CNTNAP4: variants seen among roughly 807,000 people sequenced by gnomAD.
The protein encoded by CNTNAP4 is contactin-associated protein-like 4.
CNTNAP4 carries 98 observed loss-of-function variants against 148.4 expected under a neutral mutation model. The ratio of observed to expected loss-of-function variants is 0.66; its 90% CI spans 0.56 to 0.78. CNTNAP4 has a LOEUF of 0.78. CNTNAP4 is among the 30% of genes least tolerant of loss of function. CNTNAP4 has a pLI of 0.00. For synonymous variants in CNTNAP4, 730 were observed against 565.1 expected (o/e 1.29, Z -4.14); for missense variants, 1,935 against 1,565.6 (o/e 1.24, Z -3.98).
intron 15 of CNTNAP4, among the ~76,000 whole-genome samples, chr16:76,519,821 C>T (rs2083390019): frequency 6.6e-6 from 1 of 152,190 alleles, no homozygotes; most frequent in Non-Finnish European, 1.5e-5. Context: ...AAATTGTCCA[C>T]ACACAAGCTG....
At position 76,329,566 on chromosome 16, in the gene CNTNAP4, G is replaced by A. The variant is rs189190743; in HGVS notation, c.196+13043G>A. ...GTGATTTTTATAAAGTCTTTCTTTCGATTCTCAAATAAGACATTTTATCAA... is the reference window on the plus strand; with the variant it reads ...GTGATTTTTATAAAGTCTTTCTTTCAATTCTCAAATAAGACATTTTATCAA... On this transcript the variant is annotated intron_variant, in intron 2 of 23. Transcript: ENST00000611870. 3.6e-3 allele frequency among the ~76,000 whole-genome samples: 551 copies of A among 152,122 alleles called. 2 individuals carry two copies. The highest frequency in any genetic ancestry group is 0.011 in the African/African-American group (470 of 41,506).
chr16:76,380,997 G>A (rs184971154), intron 3 of CNTNAP4, among the ~76,000 whole-genome samples: 1 of 151,962 alleles, frequency 6.6e-6, no homozygotes, highest in Non-Finnish European at 1.5e-5. Flanking sequence ...CTCCTTTGTC[G>A]CCAGGCTCTG....
In CNTNAP4 at chr16:76,427,617, C is replaced by G; in HGVS notation, c.538+18C>G. On this transcript the variant is annotated intron_variant, in intron 4 of 23. Transcript: ENST00000611870. Reference sequence around the variant, plus strand: ...TGCATACAGTAAGTGTTTGTTTATCCAATACACTGACATAGATATCAAAAG... The same window carrying G: ...TGCATACAGTAAGTGTTTGTTTATCGAATACACTGACATAGATATCAAAAG... 6.3e-7 allele frequency: 1 copy of G among 1,589,664 alleles called. No individual in the cohort carries two copies. The highest frequency in any genetic ancestry group is 1.1e-5 in the South Asian group (1 of 87,084).
intron 4 of CNTNAP4, among the ~76,000 whole-genome samples, chr16:76,431,514 A>G (rs1029447380): frequency 1.3e-5 from 2 of 152,178 alleles, no homozygotes; most frequent in African/African-American, 2.4e-5. Context: ...CCCTGTCTCT[A>G]CTTAAAATAC....
chr16:76,415,935 T>G (rs1195698690), intron 3 of CNTNAP4, among the ~76,000 whole-genome samples: 3 of 151,252 alleles, frequency 2.0e-5, no homozygotes, highest in African/African-American at 7.3e-5. Context: ...TGTTTGTTTT[T>G]TTTTTTTAAC....
chr16:76,540,215 G>A (rs2084390455), intron 20 of CNTNAP4, among the ~76,000 whole-genome samples: 1 of 152,184 alleles, frequency 6.6e-6, no homozygotes, highest in African/African-American at 2.4e-5. Context: ...TTTTGTTAAT[G>A]ATATGAGTCA....
intron 1 of CNTNAP4, among the ~76,000 whole-genome samples, chr16:76,288,781 G>T (rs1336122705): frequency 6.6e-6 from 1 of 152,114 alleles, no homozygotes; most frequent in African/African-American, 2.4e-5. Context: ...ATGATAATTT[G>T]TATTTTTTTT....
chr16:76,445,916 A>G (rs1351936961), intron 4 of CNTNAP4, among the ~76,000 whole-genome samples: 1 of 152,180 alleles, frequency 6.6e-6, no homozygotes, highest in Non-Finnish European at 1.5e-5. Flanking sequence ...TAATCTAATA[A>G]TCATAGGATG....
chr16:76,448,689 G>A, intron 5 of CNTNAP4, 78 bp from the exon 6 acceptor site: 1 of 1,019,108 alleles, frequency 9.8e-7, no homozygotes, highest in Non-Finnish European at 1.4e-6. Context: ...ATGAAAGATG[G>A]TGGTCCACAG....
intron 5 of CNTNAP4, 118 bp from the exon 6 acceptor site, chr16:76,448,649 C>T (rs56137120): frequency 0.45 from 303,783 of 674,304 alleles, 70,960 homozygotes; most frequent in Middle Eastern, 0.58. Context: ...GTATTTGAAA[C>T]GGAATGCGTA....
At chr16:76,374,802 C>G (rs2015246976) in intron 3 of CNTNAP4, among the ~76,000 whole-genome samples, 1 of 150,696 alleles carries the variant, frequency 6.6e-6, no homozygotes. Flanking sequence ...AAGTCTCGCT[C>G]TTGTCCCCCA....
chr16:76,351,354 A>G (rs2011723766), intron 2 of CNTNAP4, among the ~76,000 whole-genome samples: 1 of 146,896 alleles, frequency 6.8e-6, no homozygotes, highest in Non-Finnish European at 1.5e-5. Flanking sequence ...CTGTCATCAT[A>G]GGCTGGCCCA....
At chr16:76,461,472 A>C (rs1301322050) in intron 8 of CNTNAP4, among the ~76,000 whole-genome samples, 1 of 152,200 alleles carries the variant, frequency 6.6e-6, no homozygotes, top group African/African-American at 2.4e-5. Context: ...GGTGCTTTAT[A>C]TTTAACTTTA....
chr16:76,532,240 C>T (rs879610211), intron 17 of CNTNAP4, among the ~76,000 whole-genome samples: 3 of 152,162 alleles, frequency 2.0e-5, no homozygotes, highest in Non-Finnish European at 4.4e-5. Context: ...CTTCTTTTAC[C>T]AGATAGTGGT....
chr16:76,342,486 T>A, intron 2 of CNTNAP4, among the ~76,000 whole-genome samples: 1 of 144,252 alleles, frequency 6.9e-6, no homozygotes, highest in Non-Finnish European at 1.5e-5. Flanking sequence ...TTTTTTTTTT[T>A]TTTTGAGATG....
chr16:76,344,433 A>G (rs1964740611), intron 2 of CNTNAP4, among the ~76,000 whole-genome samples: 4 of 152,196 alleles, frequency 2.6e-5, no homozygotes, highest in Admixed American at 1.3e-4. Context: ...AAGTCATAAT[A>G]TGTAAATGTA....
chr16:76,368,132 C>T lies in CNTNAP4; in HGVS notation c.390+12621C>T, dbSNP rs143696948. On this transcript the variant is annotated intron_variant, in intron 3 of 23. Coordinates refer to ENST00000611870, the MANE Select transcript of CNTNAP4 (RefSeq NM_033401.5). ...GTTTTTAGTTCAGTACAAAACATAC[C>T]AGCAGGATATCCATTCATCTTAGAT... Among the ~76,000 whole-genome samples, 1,027 of 152,204 alleles carry T rather than the reference C, an allele frequency of 6.7e-3. 7 individuals are homozygous for T. The highest frequency in any genetic ancestry group is 0.012 in the Admixed American group (183 of 15,290).
chr16:76,427,508 T>C lies in CNTNAP4; in HGVS notation c.447T>C (p.Ser149=), dbSNP rs1366851286. 2.5e-6 allele frequency: 4 copies of C among 1,613,442 alleles called. No homozygotes were observed. The highest frequency in any genetic ancestry group is 3.4e-6 in the Non-Finnish European group (4 of 1,179,542). ...DSVVYYRLQP[S]IKARFLRFIP... is the part of the protein sequence containing the mutation. ...TTGTGTACTATAGACTCCAGCCTTC[T>C]ATCAAAGCCAGATTTCTGCGCTTCA... The change falls in exon 4 of 24, where the codon TCT becomes TCC. Residue 149 remains serine (S), a synonymous_variant. Transcript: ENST00000611870.
chr16:76,552,628 G>A (rs2085004354), intron 21 of CNTNAP4, among the ~76,000 whole-genome samples: 1 of 152,146 alleles, frequency 6.6e-6, no homozygotes, highest in South Asian at 2.1e-4. Context: ...GTGACAAGTT[G>A]TCATTGAAAC....
Sources: allele counts gnomAD v4.1 joint callset (sites outside exome capture counted in the v4.1 genomes callset), GRCh38; gene constraint gnomAD v4.1.1; transcripts MANE v1.5; gene names NCBI Gene and HGNC (gene_info 2026-07-23, HGNC 2026-07-21).